The following PFKFB1 variants were observed in gnomAD, a reference collection of about 807,000 sequenced individuals.
The protein encoded by PFKFB1 is 6-phosphofructo-2-kinase/fructose-2,6-biphosphatase 1.
Under a neutral mutation model 46.4 loss-of-function variants are expected in PFKFB1, and 34 were observed. The ratio of observed to expected loss-of-function variants is 0.73; its 90% CI spans 0.56 to 0.98. The LOEUF (loss-of-function observed/expected upper bound fraction) is 0.98. Among genes scored for constraint, PFKFB1 ranks in the 50% least tolerant of loss-of-function variants. PFKFB1 has a pLI of 0.00. For synonymous variants in PFKFB1, 119 were observed against 133.8 expected, an observed-to-expected ratio of 0.89 and a Z score of 0.76; for missense variants, 393 against 376.3, an observed-to-expected ratio of 1.04 and a Z score of -0.37.
Position 54,935,076 on chromosome X carries a change from C to T in PFKFB1, c.1229-67G>A, listed in dbSNP as rs1467772154. On this transcript the variant is annotated intron_variant, in intron 11 of 13. Transcript: ENST00000375006. ...GCCAGGACACAGCCTCCCCAGGCCCCCAGGCTTGCTGGATGCTCCCCATTC... is the reference window on the plus strand; with the variant it reads ...GCCAGGACACAGCCTCCCCAGGCCCTCAGGCTTGCTGGATGCTCCCCATTC... The T allele has an allele frequency of 4.6e-6, 4 of 872,113 alleles. No homozygotes were observed. The Middle Eastern group carries it at 1.1e-3, about 242-fold the overall frequency. The allele number at this position is 872,113 out of a possible 1,213,427, so 71.9% of individuals were successfully genotyped here.
At chrX:54,973,861 TA>T (rs746812034) in intron 1 of PFKFB1, among the ~76,000 whole-genome samples, 98 of 111,295 alleles carry the variant, frequency 8.8e-4, no homozygotes, top group African/African-American at 2.9e-3. Context: ...AAATCAAAGT[TA>T]AAAAAAATTT....
At chrX:54,939,456 T>TG (rs1933534366) in intron 10 of PFKFB1, among the ~76,000 whole-genome samples, 1 of 111,662 alleles carries the variant, frequency 9.0e-6, no homozygotes, top group Non-Finnish European at 1.9e-5. Flanking sequence ...ATCCAGGAGC[T>TG]GTTTTTTTGA....
intron 1 of PFKFB1, among the ~76,000 whole-genome samples, chrX:54,971,970 G>A (rs1934678215): frequency 9.0e-6 from 1 of 111,640 alleles, no homozygotes; most frequent in South Asian, 3.8e-4. Context: ...CTACCCATGA[G>A]CATGGAATGT....
At chrX:54,941,272 C>A (rs1427343407) in intron 10 of PFKFB1, among the ~76,000 whole-genome samples, 1 of 111,720 alleles carries the variant, frequency 9.0e-6, no homozygotes, top group Non-Finnish European at 1.9e-5. Flanking sequence ...AACGTTAGAC[C>A]TAAAACCATA....
At chrX:54,951,193 T>C (rs921610801) in intron 8 of PFKFB1, among the ~76,000 whole-genome samples, 3 of 112,625 alleles carry the variant, frequency 2.7e-5, no homozygotes, top group Non-Finnish European at 5.6e-5. Flanking sequence ...TGGAAATGGA[T>C]CCCTGTATTC....
chrX:54,953,030 G>A (rs778865871), intron 7 of PFKFB1, among the ~76,000 whole-genome samples: 2 of 111,776 alleles, frequency 1.8e-5, no homozygotes, highest in Non-Finnish European at 3.8e-5. Flanking sequence ...TCAACCACCT[G>A]TTTGTGTAGA....
chrX:54,940,902 G>A (rs189033457), intron 10 of PFKFB1, among the ~76,000 whole-genome samples: 6 of 111,142 alleles, frequency 5.4e-5, no homozygotes, highest in African/African-American at 2.0e-4. Context: ...TTTAAAGTTC[G>A]TATGGAACCA....
intron 1 of PFKFB1, among the ~76,000 whole-genome samples, chrX:54,968,511 T>C (rs1192529911): frequency 1.8e-5 from 2 of 110,864 alleles, no homozygotes; most frequent in African/African-American, 6.6e-5. Flanking sequence ...ACTAAAAATA[T>C]AATAGCTGAA....
At chrX:54,951,794 C>G in intron 8 of PFKFB1, 111 bp downstream of exon 8, 1 of 596,888 alleles carries the variant, frequency 1.7e-6, no homozygotes, top group South Asian at 2.7e-5. Flanking sequence ...TCTGCTTCTC[C>G]CCCATCCCTG....
chrX:54,986,232 C>T (rs2146684350), intron 1 of PFKFB1, among the ~76,000 whole-genome samples: 1 of 111,829 alleles, frequency 8.9e-6, no homozygotes, highest in South Asian at 3.7e-4. Flanking sequence ...TGGGAGGATC[C>T]CTTGAGTCCA....
upstream of PFKFB1, chrX:54,994,505 C>G (rs1009750754): frequency 9.3e-6 from 7 of 752,570 alleles, no homozygotes; most frequent in Non-Finnish European, 1.1e-5. Flanking sequence ...AAAAAATGGG[C>G]CCAAGTAGAA....
At chrX:54,959,697 T>C (rs1934254109) in intron 4 of PFKFB1, 130 bp downstream of exon 4, 1 of 472,130 alleles carries the variant, frequency 2.1e-6, no homozygotes, top group Non-Finnish European at 3.7e-6. Context: ...GGGGGGAGCA[T>C]AAAATTAAAT....
chrX:54,960,665 G>T (rs1028323992), intron 3 of PFKFB1, among the ~76,000 whole-genome samples, 159 bp downstream of exon 3: 2 of 110,190 alleles, frequency 1.8e-5, no homozygotes, highest in African/African-American at 6.6e-5. Flanking sequence ...ACCAGAAACA[G>T]GATTTGGGCA....
chrX:54,967,291 T>A (rs1327870359), intron 1 of PFKFB1, among the ~76,000 whole-genome samples: 2 of 112,057 alleles, frequency 1.8e-5, no homozygotes, highest in East Asian at 5.6e-4. Flanking sequence ...AAATTAGCTA[T>A]AATAAAAATG....
rs1019880075 is a variant in PFKFB1, at chrX:54,949,184, C to A, written c.884G>T (p.Gly295Val). Residue 295 changes from glycine (G) to valine (V), a missense_variant, in exon 9 of 14, where the codon GGC becomes GTC. Physicochemically the swap from Gly to Val is moderately radical, Grantham distance 109. Coordinates refer to ENST00000375006, the MANE Select transcript of PFKFB1 (RefSeq NM_002625.4). Reference protein sequence around the residue: ...YALANFIQSQGISSLKVWTSH... With the variant: ...YALANFIQSQVISSLKVWTSH... ...GGTCCACACCTTCAGGGAGCTGATGCCCTGGGACTGAATGAAGTTGGCCAG... is the reference window on the plus strand; with the variant it reads ...GGTCCACACCTTCAGGGAGCTGATGACCTGGGACTGAATGAAGTTGGCCAG... 1.2e-5 allele frequency: 15 copies of A among 1,206,655 alleles called. No individual in the cohort carries two copies. Among genetic ancestry groups the A allele is most frequent in the Non-Finnish European group, 1.0e-5 (9 of 893,524 alleles).
intron 10 of PFKFB1, among the ~76,000 whole-genome samples, chrX:54,939,022 G>T (rs777933836): frequency 1.3e-4 from 15 of 111,773 alleles, no homozygotes; most frequent in African/African-American, 4.9e-4. Flanking sequence ...TAAAAGAACA[G>T]AAATTATAAC....
intron 10 of PFKFB1, among the ~76,000 whole-genome samples, chrX:54,940,256 C>T (rs1429264203): frequency 1.8e-5 from 2 of 111,434 alleles, no homozygotes; most frequent in Non-Finnish European, 1.9e-5. Flanking sequence ...ATAATAAGAG[C>T]TATTTATGAC....
chrX:54,937,337 CTG>C (rs1217922203), intron 11 of PFKFB1, among the ~76,000 whole-genome samples: 1 of 112,070 alleles, frequency 8.9e-6, no homozygotes, highest in African/African-American at 3.2e-5. Flanking sequence ...GTGTCATGAA[CTG>C]TTCTAAACTT....
chrX:54,981,050 A>G (rs926149007), intron 1 of PFKFB1, among the ~76,000 whole-genome samples: 2 of 111,279 alleles, frequency 1.8e-5, no homozygotes, highest in Non-Finnish European at 1.9e-5. Context: ...GAGATAATTA[A>G]TGAACTGGAA....
Sources: gnomAD v4.1 joint callset for allele counts (sites outside exome capture counted in the v4.1 genomes callset) on GRCh38, gnomAD v4.1.1 for gene constraint, MANE v1.5 for transcripts, NCBI Gene and HGNC (gene_info 2026-07-23, HGNC 2026-07-21) for gene names.